Variants in M6PR observed in about 807,000 individuals in gnomAD.
M6PR encodes cation-dependent mannose-6-phosphate receptor.
Under a neutral mutation model 33.1 loss-of-function variants are expected in M6PR, and 19 were observed. The observed-to-expected ratio is 0.57, with a 90% CI of 0.40 to 0.84. The LOEUF (loss-of-function observed/expected upper bound fraction) is 0.84, where lower values mean the gene tolerates loss of function less well. M6PR is among the 40% of genes least tolerant of loss of function. M6PR has a pLI of 0.00. For missense variants in M6PR, 295 were observed against 336.0 expected, an observed-to-expected ratio of 0.88 and a Z score of 0.95; for synonymous variants, 111 against 123.4, an observed-to-expected ratio of 0.90 and a Z score of 0.67.
intron 6 of M6PR, 59 bp from the exon 7 acceptor site, chr12:8,941,999 A>G: frequency 3.8e-6 from 6 of 1,586,100 alleles, no homozygotes; most frequent in Non-Finnish European, 5.2e-6. Flanking sequence ...GGATATGAGA[A>G]AGTGTACTTA....
rs1315011045 is a variant in M6PR, at chr12:8,941,885, C to T, written c.767G>A (p.Arg256His). 5.0e-6 allele frequency: 8 copies of T among 1,614,038 alleles called. No individual in the cohort carries two copies. The highest frequency in any genetic ancestry group is 2.2e-5 in the East Asian group (1 of 44,882). Residue 256 changes from arginine to histidine, a missense_variant, in exon 7 of 7, where the codon CGT becomes CAT. Coordinates refer to ENST00000000412, the MANE Select transcript of M6PR (RefSeq NM_002355.4). ...SKPRNVPAAY[R>H]GVGDDQLGEE... is the part of the protein sequence containing the mutation. The stretch of plus-strand genomic sequence containing the variant: ...CCCCAGCTGGTCATCCCCCACACCA[C>T]GATATGCTGCAGGCACATTTCGAGG...
At chr12:8,947,836 G>GT (rs199863898) in intron 1 of M6PR, among the ~76,000 whole-genome samples, 53,869 of 146,456 alleles carry the variant, frequency 0.37, 10,142 homozygotes, top group Non-Finnish European at 0.42. Context: ...AAAACTGTGG[G>GT]TTTTTTTTTT....
rs118082325 is a variant in M6PR, at chr12:8,949,308, T to C, written c.-2+180A>G. 3.2e-4 allele frequency among the ~76,000 whole-genome samples: 49 copies of C among 152,196 alleles called. 1 individual carries two copies. In the East Asian group the frequency reaches 9.3e-3, roughly 29 times the overall value. On this transcript the variant is annotated intron_variant, in intron 1 of 6. Transcript: ENST00000000412. The surrounding 1 kb of genome is among the most constrained non-coding windows in gnomAD (Gnocchi z 5.6). ...TTGGAAGTCCTTTCTCCCTCACACC[T>C]TTCGGAACTCCGTGACTCTCCGCTC...
rs117037167 is a variant in M6PR, at chr12:8,948,857, G to T, written c.-2+631C>A. 8.3e-3 allele frequency among the ~76,000 whole-genome samples: 1,263 copies of T among 152,312 alleles called. 10 individuals are homozygous for T. Among genetic ancestry groups the T allele is most frequent in the Non-Finnish European group, 0.013 (881 of 68,024 alleles). On this transcript the variant is annotated intron_variant, in intron 1 of 6. Coordinates refer to ENST00000000412, the MANE Select transcript of M6PR (RefSeq NM_002355.4). Reference sequence around the variant, plus strand: ...CCGCTGGCTCCTTTCTGATGTAGCAGTCCTTATCCCTTTTTCTCCAGCAGC... The same window carrying T: ...CCGCTGGCTCCTTTCTGATGTAGCATTCCTTATCCCTTTTTCTCCAGCAGC...
Position 8,943,798 on chromosome 12 carries a change from C to T in M6PR, c.453+3G>A. The T allele has an allele frequency of 6.2e-7, 1 of 1,611,936 alleles. No homozygotes were observed. The highest frequency in any genetic ancestry group is 1.7e-5 in the Admixed American group (1 of 60,026). ...TCGGCTTATACAACACAGGGTGCCT[C>T]ACCGCTAGGGTGTGTCGATTGCAGG... is the stretch of plus-strand genomic sequence containing the variant. On this transcript the variant is annotated splice_donor_region_variant and intron_variant, in intron 4 of 6. Transcript: ENST00000000412.
At position 8,941,607 on chromosome 12, in the gene M6PR, TACA is replaced by T; in HGVS notation, c.*208_*210del. The stretch of plus-strand genomic sequence containing the variant: ...AGGCCCTATTATATTAACTCTGACT[TACA>T]ACTGTACCTCTCTAGAGAAAAAACA... On this transcript the variant is annotated 3_prime_UTR_variant, in exon 7 of 7. Transcript: ENST00000000412. 1 of 559,770 alleles carries T rather than the reference TACA, an allele frequency of 1.8e-6. No individual in the cohort carries two copies. Among genetic ancestry groups the T allele is most frequent in the Non-Finnish European group, 3.1e-6 (1 of 319,544 alleles). The allele number at this position is 559,770 out of a possible 1,614,324, so 34.7% of individuals were successfully genotyped here.
rs1946063507 is a variant in M6PR at position 8,944,061 on chromosome 12, A to G, written c.344-151T>C. 7.9e-6 allele frequency: 5 copies of G among 634,810 alleles called. No homozygotes were observed. In the Admixed American group the frequency reaches 1.2e-4, roughly 15 times the overall value. 39.3% of individuals were successfully genotyped at this position (634,810 alleles called of 1,614,324 possible). ...ACGAACTTGGTATACCAGAAATGCCAAGCTAAACTTGTTTGCTTACAAAGA... is the reference window on the plus strand; with the variant it reads ...ACGAACTTGGTATACCAGAAATGCCGAGCTAAACTTGTTTGCTTACAAAGA... On this transcript the variant is annotated intron_variant, in intron 3 of 6. Coordinates refer to ENST00000000412, the MANE Select transcript of M6PR (RefSeq NM_002355.4).
chr12:8,945,360 A>G (rs1317765286), intron 3 of M6PR, 58 bp downstream of exon 3: 1 of 1,580,070 alleles, frequency 6.3e-7, no homozygotes, highest in Non-Finnish European at 8.7e-7. Flanking sequence ...CAGGATTGTC[A>G]GAGGGATTGA....
At chr12:8,945,389 A>G (rs777452607) in intron 3 of M6PR, 29 bp downstream of exon 3, 19 of 1,612,108 alleles carry the variant, frequency 1.2e-5, no homozygotes, top group East Asian at 4.5e-5. Context: ...CAGTTAGTCA[A>G]TCGATGGTAG....
chr12:8,941,498 C>T lies in M6PR; in HGVS notation c.*320G>A. 4.4e-6 allele frequency: 1 copy of T among 226,662 alleles called. No homozygotes were observed. The highest frequency in any genetic ancestry group is 9.6e-5 in the East Asian group (1 of 10,392). 14.0% of individuals were successfully genotyped at this position (226,662 alleles called of 1,614,324 possible). On this transcript the variant is annotated 3_prime_UTR_variant, in exon 7 of 7. Coordinates refer to ENST00000000412, the MANE Select transcript of M6PR (RefSeq NM_002355.4). ...GAAAATGTGTTTAAAAAACAAACGG[C>T]CAGTGAGCCTGCTACACCATTTTGC...
At position 8,949,246 on chromosome 12, in the gene M6PR, C is replaced by G. The variant is rs142315584; in HGVS notation, c.-2+242G>C. 1.3e-5 allele frequency among the ~76,000 whole-genome samples: 2 copies of G among 152,216 alleles called. No homozygotes were observed. Among genetic ancestry groups the G allele is most frequent in the East Asian group, 3.9e-4 (2 of 5,186 alleles). Reference sequence around the variant, plus strand: ...CTCCATACTTGGGGTATTTTCCTTTCCCTGCTTTCTAAATATCGTAAATCC... The same window carrying G: ...CTCCATACTTGGGGTATTTTCCTTTGCCTGCTTTCTAAATATCGTAAATCC... On this transcript the variant is annotated intron_variant, in intron 1 of 6. Coordinates refer to ENST00000000412, the MANE Select transcript of M6PR (RefSeq NM_002355.4). The surrounding 1 kb of genome is among the most constrained non-coding windows in gnomAD (Gnocchi z 5.6).
In M6PR at chr12:8,946,214, G is replaced by C. The variant is rs111952625; in HGVS notation, c.176+15C>G. ...TAAATATTTTCTCAAGCTCTTTAAG[G>C]TTCTTCTCATTTACCTTTTATTAAA... On this transcript the variant is annotated intron_variant, in intron 2 of 6. Transcript: ENST00000000412. The C allele has an allele frequency of 1.9e-6, 3 of 1,607,968 alleles. No individual in the cohort carries two copies. The highest frequency in any genetic ancestry group is 2.6e-6 in the Non-Finnish European group (3 of 1,176,044).
At chr12:8,942,188 C>T (rs1038435188) in intron 6 of M6PR, 8 of 680,728 alleles carry the variant, frequency 1.2e-5, no homozygotes, top group Admixed American at 2.9e-5. Context: ...AAGAGCCCAT[C>T]TGGTCAACAG....
At position 8,949,115 on chromosome 12, in the gene M6PR, C is replaced by T. The variant is rs1393511378; in HGVS notation, c.-2+373G>A. Among the ~76,000 whole-genome samples the T allele has an allele frequency of 3.9e-5, 6 of 152,148 alleles. No homozygotes were observed. Among genetic ancestry groups the T allele is most frequent in the African/African-American group, 1.4e-4 (6 of 41,412 alleles). On this transcript the variant is annotated intron_variant, in intron 1 of 6. Transcript: ENST00000000412. This position sits in a 1 kb window ranked among gnomAD's most constrained non-coding sequence, Gnocchi z 5.6. Reference sequence around the variant, plus strand: ...TCGCTCTGTCTAGTGTCCCGACTTTCCAAGCGCTTGTAGCCATACCCTCTC... The same window carrying T: ...TCGCTCTGTCTAGTGTCCCGACTTTTCAAGCGCTTGTAGCCATACCCTCTC...
chr12:8,941,534 A>G lies in M6PR; in HGVS notation c.*284T>C, dbSNP rs1175209821. 2 of 293,042 alleles carry G rather than the reference A, an allele frequency of 6.8e-6. No homozygotes were observed. Among genetic ancestry groups the G allele is most frequent in the African/African-American group, 2.2e-5 (1 of 46,410 alleles). The allele number at this position is 293,042 out of a possible 1,614,324, so 18.2% of individuals were successfully genotyped here. On this transcript the variant is annotated 3_prime_UTR_variant, in exon 7 of 7. Transcript: ENST00000000412. The stretch of plus-strand genomic sequence containing the variant: ...GCTACACCATTTTGCCCATATGCCT[A>G]TTGTAACTTCTGATGTCAAGAGACA...
chr12:8,948,953 C>T (rs1427620468), intron 1 of M6PR, among the ~76,000 whole-genome samples: 1 of 152,210 alleles, frequency 6.6e-6, no homozygotes, highest in East Asian at 1.9e-4. Context: ...AGAGAAGGAG[C>T]CTCAGACAAG....
intron 5 of M6PR, 44 bp downstream of exon 5, chr12:8,943,361 C>T: frequency 1.2e-6 from 2 of 1,611,154 alleles, no homozygotes; most frequent in Non-Finnish European, 1.7e-6. Flanking sequence ...ACCTTAAAAA[C>T]AAAAGGAAGG....
chr12:8,943,995 A>G, intron 3 of M6PR, 85 bp from the exon 4 acceptor site: 1 of 835,268 alleles, frequency 1.2e-6, no homozygotes, highest in South Asian at 1.3e-5. Flanking sequence ...GGAATTGCGT[A>G]ATTCATTGCA....
In M6PR at chr12:8,941,951, A is replaced by C. The variant is rs186635625; in HGVS notation, c.712-11T>G. 1 of 1,612,126 alleles carries C rather than the reference A, an allele frequency of 6.2e-7. No individual in the cohort carries two copies. The highest frequency in any genetic ancestry group is 8.5e-7 in the Non-Finnish European group (1 of 1,178,538). ...AAAGTCACAGCCATCCTGTAGGGGG[A>C]AAAAAAAGAAGGAAATAATTCGCAG... On this transcript the variant is annotated splice_polypyrimidine_tract_variant and intron_variant, in intron 6 of 6. Coordinates refer to ENST00000000412, the MANE Select transcript of M6PR (RefSeq NM_002355.4).
Sources: allele counts gnomAD v4.1 joint callset (sites outside exome capture counted in the v4.1 genomes callset), GRCh38; gene constraint gnomAD v4.1.1; non-coding constraint Gnocchi (gnomAD v3.1); transcripts MANE v1.5; gene names NCBI Gene and HGNC (gene_info 2026-07-23, HGNC 2026-07-21).